Variants in PCDH15 observed in about 807,000 individuals in gnomAD.
PCDH15 encodes the protein protocadherin related 15, also known as protocadherin-15.
PCDH15 carries 129 observed loss-of-function variants against 178.5 expected under a neutral mutation model. That is an observed-to-expected ratio of 0.72 (90% CI 0.63 to 0.84). The LOEUF (loss-of-function observed/expected upper bound fraction) is 0.84, where lower values mean the gene tolerates loss of function less well. Ranked by LOEUF, PCDH15 falls within the 40% of genes least tolerant of loss-of-function variation. PCDH15 has a pLI of 0.00. For missense variants in PCDH15, 2,230 were observed against 2,099.9 expected, an observed-to-expected ratio of 1.06 and a Z score of -1.21; for synonymous variants, 800 against 732.0, an observed-to-expected ratio of 1.09 and a Z score of -1.50.
chr10:53,897,546 G>T (rs1294555887), intron 26 of PCDH15, among the ~76,000 whole-genome samples: 2 of 152,126 alleles, frequency 1.3e-5, no homozygotes, highest in Non-Finnish European at 2.9e-5. Context: ...TAACACAAAA[G>T]TTAGCATTTC....
chr10:53,910,153 TG>T (rs1444610683), intron 25 of PCDH15, among the ~76,000 whole-genome samples: 1 of 152,156 alleles, frequency 6.6e-6, no homozygotes, highest in Non-Finnish European at 1.5e-5. Context: ...AAGAGAGCAA[TG>T]GTTCTCCCAG....
intron 14 of PCDH15, among the ~76,000 whole-genome samples, chr10:54,147,166 C>A (rs190596348): frequency 1.2e-4 from 18 of 151,358 alleles, no homozygotes; most frequent in African/African-American, 4.3e-4. Flanking sequence ...CAGAAAATAG[C>A]AAATATGATT....
intron 2 of PCDH15, among the ~76,000 whole-genome samples, chr10:54,998,703 G>C (rs1205069740): frequency 1.3e-5 from 2 of 152,064 alleles, no homozygotes; most frequent in Admixed American, 1.3e-4. Flanking sequence ...TTAGCATGGA[G>C]CCTAATTTCA....
chr10:55,385,722 T>TGC (rs1227351575), intron 2 of PCDH15, among the ~76,000 whole-genome samples: 2 of 143,334 alleles, frequency 1.4e-5, no homozygotes, highest in African/African-American at 5.3e-5. Context: ...TATATATGCA[T>TGC]ATATATATAC....
rs114178739 is a variant in PCDH15, at chr10:54,679,920, C to A, written c.-28-15630G>T. The stretch of plus-strand genomic sequence containing the variant: ...ATAATTTTAATTCTTGAGAGTGTCA[C>A]ATATTTGATAAAGAATGTTTGTCTA... On this transcript the variant is annotated intron_variant, in intron 1 of 37. Transcript: ENST00000644397. Among the ~76,000 whole-genome samples, 858 of 152,222 alleles carry A rather than the reference C, an allele frequency of 5.6e-3. 8 individuals carry two copies. The highest frequency in any genetic ancestry group is 0.02 in the African/African-American group (816 of 41,540).
At chr10:54,408,201 C>G (rs1191931796) in intron 3 of PCDH15, among the ~76,000 whole-genome samples, 2 of 151,100 alleles carry the variant, frequency 1.3e-5, no homozygotes, top group Non-Finnish European at 2.9e-5. Context: ...TGCTTTCTCT[C>G]TATATAGAAC....
rs1420742809 is a variant in PCDH15, at chr10:54,198,498, T to TCTACAAC, written c.1099-2610_1099-2609insGTTGTAG. On this transcript the variant is annotated intron_variant, in intron 10 of 37. Transcript: ENST00000644397. Reference sequence around the variant, plus strand: ...CTTTCTTTAATATCTAATTATTCTTTTTTTTTTTTTTTTTTTTTTTTGAGA... The same window carrying TCTACAAC: ...CTTTCTTTAATATCTAATTATTCTTTCTACAACTTTTTTTTTTTTTTTTTTTTTGAGA... Among the ~76,000 whole-genome samples, 27 of 15,954 alleles carry TCTACAAC rather than the reference T, an allele frequency of 1.7e-3. 1 individual carries two copies. Among genetic ancestry groups the TCTACAAC allele is most frequent in the African/African-American group, 8.5e-3 (9 of 1,062 alleles). The allele number at this position is 15,954 out of a possible 152,430, so 10.5% of individuals were successfully genotyped here.
chr10:53,980,279 G>C (rs901438690), intron 21 of PCDH15, among the ~76,000 whole-genome samples: 1 of 151,422 alleles, frequency 6.6e-6, no homozygotes, highest in African/African-American at 2.4e-5. Flanking sequence ...GGTAAAAGTA[G>C]ACATATATCA....
chr10:54,365,080 C>T (rs1461403168), intron 5 of PCDH15, among the ~76,000 whole-genome samples: 1 of 152,090 alleles, frequency 6.6e-6, no homozygotes, highest in Non-Finnish European at 1.5e-5. Context: ...CTTTTAAGGG[C>T]TCACACTGAG....
At chr10:54,587,267 C>T (rs1443924367) in intron 2 of PCDH15, among the ~76,000 whole-genome samples, 2 of 152,064 alleles carry the variant, frequency 1.3e-5, no homozygotes, top group Non-Finnish European at 2.9e-5. Flanking sequence ...AACACAAGTG[C>T]CATTTCTTAA....
At position 54,775,953 on chromosome 10, in the gene PCDH15, C is replaced by G. The variant is rs1591570114; in HGVS notation, c.-29+24972G>C. Among the ~76,000 whole-genome samples, 3 of 152,220 alleles carry G rather than the reference C, an allele frequency of 2.0e-5. No individual in the cohort carries two copies. In the South Asian group the frequency reaches 6.2e-4, roughly 32 times the overall value. ...CTTCCTTTCCCTCTAACCTTTCCAG[C>G]CTGTAGTAACCTGTTTTGCATTTTA... On this transcript the variant is annotated intron_variant, in intron 1 of 37. Coordinates refer to ENST00000644397, the MANE Select transcript of PCDH15 (RefSeq NM_001384140.1).
chr10:54,232,739 A>C (rs1400899945), intron 9 of PCDH15, among the ~76,000 whole-genome samples: 1 of 151,976 alleles, frequency 6.6e-6, no homozygotes, highest in Non-Finnish European at 1.5e-5. Context: ...TTTCATTCCA[A>C]GTTAGTAAAT....
At chr10:54,842,666 C>T (rs1953439520) in intron 3 of PCDH15, among the ~76,000 whole-genome samples, 1 of 151,820 alleles carries the variant, frequency 6.6e-6, no homozygotes, top group Non-Finnish European at 1.5e-5. Flanking sequence ...TGCTTACATC[C>T]TTGCTCCAAT....
At chr10:54,911,905 T>C (rs1454964072) in intron 2 of PCDH15, among the ~76,000 whole-genome samples, 2 of 152,210 alleles carry the variant, frequency 1.3e-5, no homozygotes, top group African/African-American at 4.8e-5. Flanking sequence ...CTTTTCTTCA[T>C]AAATAACCCA....
intron 2 of PCDH15, among the ~76,000 whole-genome samples, chr10:54,965,835 T>C (rs973361355): frequency 1.3e-5 from 2 of 151,032 alleles, no homozygotes; most frequent in African/African-American, 4.9e-5. Flanking sequence ...AGTTTACTCA[T>C]GAAAAACAAT....
intron 17 of PCDH15, 123 bp from the exon 18 acceptor site, chr10:54,067,008 T>G: frequency 1.2e-6 from 1 of 822,382 alleles, no homozygotes; most frequent in Non-Finnish European, 1.7e-6. Flanking sequence ...ATCCTTAGCT[T>G]TCCAAAAAAT....
chr10:53,880,628 C>T (rs10763015), intron 26 of PCDH15, among the ~76,000 whole-genome samples: 95,578 of 151,380 alleles, frequency 0.63, 30,950 homozygotes, highest in Middle Eastern at 0.78. Context: ...TTATTGCTTT[C>T]ATAGTAAAAG....
At chr10:54,361,546 G>T (rs1329064410) in intron 5 of PCDH15, among the ~76,000 whole-genome samples, 1 of 151,260 alleles carries the variant, frequency 6.6e-6, no homozygotes, top group Non-Finnish European at 1.5e-5. Context: ...AAGTATTATA[G>T]TTTTTTTTAA....
chr10:54,490,478 T>TAATA (rs1018909724), intron 3 of PCDH15, among the ~76,000 whole-genome samples: 1 of 151,192 alleles, frequency 6.6e-6, no homozygotes, highest in Admixed American at 6.6e-5. Context: ...AATAAATAAC[T>TAATA]AATAAATAAA....
Sources: gnomAD v4.1 joint callset for allele counts (sites outside exome capture counted in the v4.1 genomes callset) on GRCh38, gnomAD v4.1.1 for gene constraint, MANE v1.5 for transcripts, NCBI Gene and HGNC (gene_info 2026-07-23, HGNC 2026-07-21) for gene names.